Variants in ELFN1 observed in about 807,000 individuals in gnomAD.
ELFN1 encodes extracellular leucine rich repeat and fibronectin type III domain containing 1.
ELFN1 carries 6 observed loss-of-function variants against 7.6 expected under a neutral mutation model. That is an observed-to-expected ratio of 0.79 (90% CI 0.43 to 1.56). The LOEUF is 1.56. Ranked by LOEUF, ELFN1 falls within the 40% of genes most tolerant of loss-of-function variation. The pLI, the probability that ELFN1 is intolerant of heterozygous loss-of-function variation, is 0.01. For missense variants in ELFN1, 1,169 were observed against 1,232.2 expected, an observed-to-expected ratio of 0.95 and a Z score of 0.77; for synonymous variants, 657 against 588.1, an observed-to-expected ratio of 1.12 and a Z score of -1.70.
In ELFN1 at chr7:1,746,861, G is replaced by C; in HGVS notation, c.2265G>C (p.Pro755=). ...PRDLAYSQLS[P]QYHSLSYSSS... ...ACCTCGCCTACTCGCAGCTGTCCCC[G>C]CAGTACCACAGCCTGAGCTACTCCT... Residue 755 remains proline, a synonymous_variant, in exon 4 of 4, where the codon CCG becomes CCC. Coordinates refer to ENST00000424383, the MANE Select transcript of ELFN1 (RefSeq NM_001128636.4). The C allele has an allele frequency of 1.3e-6, 2 of 1,540,436 alleles. No homozygotes were observed. The highest frequency in any genetic ancestry group is 1.8e-6 in the Non-Finnish European group (2 of 1,142,234).
intron 1 of ELFN1, among the ~76,000 whole-genome samples, chr7:1,683,540 T>C (rs1779011269): frequency 6.6e-6 from 1 of 152,242 alleles, no homozygotes; most frequent in African/African-American, 2.4e-5. Context: ...GAATGTTCTA[T>C]AAATGTCAGT....
intron 3 of ELFN1, among the ~76,000 whole-genome samples, chr7:1,710,041 T>A (rs1779617959): frequency 6.6e-6 from 1 of 152,252 alleles, no homozygotes; most frequent in Non-Finnish European, 1.5e-5. Flanking sequence ...TAGAGCTCGG[T>A]TGTAATATCT....
chr7:1,675,935 A>G (rs1778861844), intron 1 of ELFN1, among the ~76,000 whole-genome samples: 1 of 152,302 alleles, frequency 6.6e-6, no homozygotes, highest in East Asian at 1.9e-4. Flanking sequence ...TAGAAGCCCA[A>G]GGGGCTGGGG....
At position 1,746,880 on chromosome 7, in the gene ELFN1, T is replaced by C; in HGVS notation, c.2284T>C (p.Tyr762His). 6.5e-7 allele frequency: 1 copy of C among 1,544,294 alleles called. No individual in the cohort carries two copies. Among genetic ancestry groups the C allele is most frequent in the East Asian group, 2.5e-5 (1 of 40,664 alleles). ...QLSPQYHSLS[Y>H]SSSPEYTCRA... ...GTCCCCGCAGTACCACAGCCTGAGC[T>C]ACTCCTCCAGCCCCGAGTACACCTG... The change falls in exon 4 of 4, where the codon TAC (tyrosine) becomes CAC (histidine). Residue 762 changes from tyrosine (Y) to histidine (H), a missense_variant. Tyr to His is a moderately conservative substitution (Grantham distance 83). Coordinates refer to ENST00000424383, the MANE Select transcript of ELFN1 (RefSeq NM_001128636.4).
chr7:1,693,398 G>T (rs1000010891), intron 2 of ELFN1: 36 of 471,114 alleles, frequency 7.6e-5, no homozygotes, highest in Non-Finnish European at 1.5e-4. Context: ...ACACTGGTGT[G>T]CCTGAGTAGG....
chr7:1,737,445 T>G (rs1000396853), intron 3 of ELFN1, among the ~76,000 whole-genome samples: 2 of 152,146 alleles, frequency 1.3e-5, no homozygotes, highest in African/African-American at 2.4e-5. Context: ...AGATTCCAGC[T>G]GGAGTCGGGG....
At chr7:1,685,925 TA>T (rs1208281273) in intron 1 of ELFN1, among the ~76,000 whole-genome samples, 1 of 147,824 alleles carries the variant, frequency 6.8e-6, no homozygotes, top group Non-Finnish European at 1.5e-5. Context: ...ATATAAGTAT[TA>T]AAATATATAT....
chr7:1,714,917 T>C (rs12531839), intron 3 of ELFN1, among the ~76,000 whole-genome samples: 46,716 of 152,136 alleles, frequency 0.31, 8,404 homozygotes, highest in African/African-American at 0.5. Flanking sequence ...TTGTCAATGG[T>C]CCAGGTTCCT....
chr7:1,676,731 G>A (rs544076867), intron 1 of ELFN1, among the ~76,000 whole-genome samples: 8 of 152,352 alleles, frequency 5.3e-5, no homozygotes, highest in African/African-American at 1.4e-4. Flanking sequence ...GCCGAGACAC[G>A]CTTCGTGTGG....
rs1482592234 is a variant in ELFN1, at chr7:1,744,548, C to T, written c.-49C>T. ...TGGGGGCTGGCGCCTGGCCCCCCAC[C>T]TGGTCCCCCTGGGCAGGCTGAATTG... On this transcript the variant is annotated 5_prime_UTR_variant, in exon 4 of 4. Coordinates refer to ENST00000424383, the MANE Select transcript of ELFN1 (RefSeq NM_001128636.4). 2.1e-6 allele frequency: 3 copies of T among 1,442,310 alleles called. No homozygotes were observed. Among genetic ancestry groups the T allele is most frequent in the Non-Finnish European group, 2.7e-6 (3 of 1,103,730 alleles). 89.3% of individuals were successfully genotyped at this position (1,442,310 alleles called of 1,614,324 possible). A position where few individuals can be genotyped will look rare whatever the true frequency, so the allele number is the denominator to read the frequency against.
chr7:1,673,547 C>G lies in ELFN1; in HGVS notation c.-549+3193C>G, dbSNP rs1489326281. Reference sequence around the variant, plus strand: ...AAGGCTGGTGGATTGAGACCTGGTTCTGTCCCACCTCTTCCAGCCTCCTGG... The same window carrying G: ...AAGGCTGGTGGATTGAGACCTGGTTGTGTCCCACCTCTTCCAGCCTCCTGG... On this transcript the variant is annotated intron_variant, in intron 1 of 3. Transcript: ENST00000424383. This position sits in a 1 kb window ranked among gnomAD's most constrained non-coding sequence, Gnocchi z 4.7. 6.8e-6 allele frequency among the ~76,000 whole-genome samples: 1 copy of G among 146,790 alleles called. No homozygotes were observed. The highest frequency in any genetic ancestry group is 1.5e-5 in the Non-Finnish European group (1 of 66,602).
intron 3 of ELFN1, among the ~76,000 whole-genome samples, chr7:1,737,314 C>T (rs1223246558): frequency 6.6e-6 from 1 of 152,108 alleles, no homozygotes; most frequent in East Asian, 1.9e-4. Flanking sequence ...GATGTCCAGT[C>T]CCTGGCAACC....
intron 3 of ELFN1, among the ~76,000 whole-genome samples, chr7:1,730,026 G>T (rs921020748): frequency 2.0e-5 from 3 of 152,218 alleles, no homozygotes; most frequent in African/African-American, 7.2e-5. Context: ...CCCCACCCGG[G>T]GACCAGCCCC....
At chr7:1,677,169 C>T (rs573477358) in intron 1 of ELFN1, among the ~76,000 whole-genome samples, 9 of 152,286 alleles carry the variant, frequency 5.9e-5, no homozygotes, top group East Asian at 1.9e-4. Flanking sequence ...TGAGGGAGGC[C>T]GTCCTGTGGA....
At chr7:1,709,607 C>G (rs1048404014) in intron 3 of ELFN1, among the ~76,000 whole-genome samples, 1 of 152,254 alleles carries the variant, frequency 6.6e-6, no homozygotes, top group African/African-American at 2.4e-5. Flanking sequence ...CTTCATCTTC[C>G]ACCACTTTTG....
upstream of ELFN1, among the ~76,000 whole-genome samples, chr7:1,667,966 G>T (rs1344700161): frequency 2.1e-4 from 15 of 72,740 alleles, no homozygotes; most frequent in African/African-American, 3.7e-4. This position sits in a 1 kb window ranked among gnomAD's most constrained non-coding sequence, Gnocchi z 8.2. Context: ...CGCTCGGGGT[G>T]GGGGGGGGGG....
chr7:1,741,988 GCA>G (rs983230817), intron 3 of ELFN1, among the ~76,000 whole-genome samples: 4 of 152,112 alleles, frequency 2.6e-5, no homozygotes, highest in East Asian at 1.9e-4. Context: ...AGACAACCTG[GCA>G]CACACATACG....
chr7:1,746,583 G>C lies in ELFN1; in HGVS notation c.1987G>C (p.Ala663Pro). 1 of 1,346,092 alleles carries C rather than the reference G, an allele frequency of 7.4e-7. No homozygotes were observed. The highest frequency in any genetic ancestry group is 1.7e-5 in the South Asian group (1 of 57,658). The allele number at this position is 1,346,092 out of a possible 1,614,324, so 83.4% of individuals were successfully genotyped here. Residue 663 changes from alanine to proline, a missense_variant, in exon 4 of 4, where the codon GCG (alanine) becomes CCG (proline). Transcript: ENST00000424383. ...CGAGGCCGTCGGGGTGCACAAGGCC[G>C]CGGCCGCCGAGGCCAAGTACATCGA... ...RAEAVGVHKA[A>P]AAEAKYIEKG...
chr7:1,711,956 C>G (rs938692676), intron 3 of ELFN1, among the ~76,000 whole-genome samples: 5 of 152,224 alleles, frequency 3.3e-5, no homozygotes, highest in African/African-American at 1.2e-4. Flanking sequence ...CAGAGGCCCA[C>G]AGGGCTGCGG....
Sources: gnomAD v4.1 joint callset for allele counts (sites outside exome capture counted in the v4.1 genomes callset) on GRCh38, gnomAD v4.1.1 for gene constraint, Gnocchi (gnomAD v3.1) non-coding constraint, MANE v1.5 for transcripts, NCBI Gene and HGNC (gene_info 2026-07-23, HGNC 2026-07-21) for gene names.